Variants in TEAD1 observed in about 807,000 individuals in gnomAD.
TEAD1 encodes the protein TEA domain transcription factor 1.
TEAD1 carries 9 observed loss-of-function variants against 54.9 expected under a neutral mutation model. The ratio of observed to expected loss-of-function variants is 0.16; its 90% CI spans 0.10 to 0.29. TEAD1 has a LOEUF of 0.29. Among genes scored for constraint, TEAD1 ranks in the 10% least tolerant of loss-of-function variants. The probability of loss-of-function intolerance (pLI) is 1.00; values close to 1 mark genes in which losing one functional copy is unlikely to be tolerated. For synonymous variants in TEAD1, 200 were observed against 187.8 expected, an observed-to-expected ratio of 1.07 and a Z score of -0.53; for missense variants, 387 against 535.9, an observed-to-expected ratio of 0.72 and a Z score of 2.74.
chr11:12,872,619 A>T (rs886244440), intron 5 of TEAD1, among the ~76,000 whole-genome samples: 1 of 152,242 alleles, frequency 6.6e-6, no homozygotes, highest in South Asian at 2.1e-4. Context: ...GTAGATAAAG[A>T]TAATTCTGTG....
At chr11:12,904,643 A>C (rs1202743616) in intron 10 of TEAD1, among the ~76,000 whole-genome samples, 1 of 152,214 alleles carries the variant, frequency 6.6e-6, no homozygotes, top group Non-Finnish European at 1.5e-5. Context: ...TTTTTTAAAA[A>C]TACAGGCATG....
intron 2 of TEAD1, among the ~76,000 whole-genome samples, chr11:12,692,962 A>C (rs1295647197): frequency 6.6e-6 from 1 of 152,144 alleles, no homozygotes; most frequent in African/African-American, 2.4e-5. Flanking sequence ...CTTCTGTGCA[A>C]CTGGGCTGTG....
At chr11:12,758,252 T>A (rs1945024928) in intron 2 of TEAD1, among the ~76,000 whole-genome samples, 3 of 151,504 alleles carry the variant, frequency 2.0e-5, no homozygotes, top group Admixed American at 6.6e-5. Flanking sequence ...TTTTTAATTT[T>A]TTTTTTGTGA....
intron 2 of TEAD1, among the ~76,000 whole-genome samples, chr11:12,741,652 A>G (rs1437952794): frequency 1.3e-5 from 2 of 152,168 alleles, no homozygotes; most frequent in East Asian, 3.8e-4. Context: ...ATATTTTCCA[A>G]TATAAATCTG....
At chr11:12,733,201 T>A (rs545285748) in intron 2 of TEAD1, among the ~76,000 whole-genome samples, 1 of 152,274 alleles carries the variant, frequency 6.6e-6, no homozygotes, top group Admixed American at 6.5e-5. Context: ...TTAGGAGAAG[T>A]AAGGTCTGAG....
chr11:12,858,738 G>T (rs1205449456), intron 3 of TEAD1, among the ~76,000 whole-genome samples: 9 of 152,178 alleles, frequency 5.9e-5, no homozygotes, highest in Admixed American at 5.9e-4. Flanking sequence ...TGACTACAGC[G>T]TAATGCCCAG....
intron 5 of TEAD1, among the ~76,000 whole-genome samples, chr11:12,879,143 C>A (rs1947914923): frequency 2.0e-5 from 3 of 152,154 alleles, no homozygotes; most frequent in Admixed American, 2.0e-4. Flanking sequence ...GCCCTGTTAC[C>A]CCCAACCCCC....
intron 2 of TEAD1, among the ~76,000 whole-genome samples, chr11:12,703,750 G>A (rs1164934194): frequency 1.3e-5 from 2 of 152,178 alleles, no homozygotes; most frequent in Non-Finnish European, 2.9e-5. Context: ...TTCAGTTATT[G>A]CATCCCTTGG....
chr11:12,884,105 T>C (rs550471833), intron 9 of TEAD1, among the ~76,000 whole-genome samples: 1 of 152,238 alleles, frequency 6.6e-6, no homozygotes, highest in Non-Finnish European at 1.5e-5. Context: ...GGACTCTATT[T>C]GTCACTTTCT....
intron 9 of TEAD1, among the ~76,000 whole-genome samples, chr11:12,888,755 TC>T (rs1948139749): frequency 6.6e-6 from 1 of 152,230 alleles, no homozygotes. Flanking sequence ...TCTTATGTAA[TC>T]CTTATGAAGT....
At chr11:12,703,721 G>T (rs1163743268) in intron 2 of TEAD1, among the ~76,000 whole-genome samples, 5 of 152,208 alleles carry the variant, frequency 3.3e-5, no homozygotes, top group Non-Finnish European at 7.3e-5. Flanking sequence ...TGGAATGAGT[G>T]AATTTGGGGC....
rs576256266 is a variant in TEAD1, at chr11:12,710,035, T to C, written c.-55+34474T>C. 2.9e-5 allele frequency among the ~76,000 whole-genome samples: 4 copies of C among 139,834 alleles called. No homozygotes were observed. In the South Asian group the frequency reaches 9.1e-4, roughly 32 times the overall value. 91.7% of individuals were successfully genotyped at this position (139,834 alleles called of 152,430 possible). On this transcript the variant is annotated intron_variant, in intron 2 of 12. Transcript: ENST00000527636. The stretch of plus-strand genomic sequence containing the variant: ...TACCAAATTGTTAAAAAAAAAAAAA[T>C]GGAATTGTAGGCCAGGCACTATGGC...
At chr11:12,901,128 G>A (rs7950761) in intron 9 of TEAD1, among the ~76,000 whole-genome samples, 4,922 of 152,262 alleles carry the variant, frequency 0.032, 253 homozygotes, top group African/African-American at 0.11. Flanking sequence ...TGATCCTTGG[G>A]TATTCTGATG....
intron 3 of TEAD1, among the ~76,000 whole-genome samples, chr11:12,788,905 G>GTTTGT (rs1352212896): frequency 1.3e-5 from 2 of 152,200 alleles, no homozygotes; most frequent in Admixed American, 6.5e-5. Context: ...GGGGGTTTGG[G>GTTTGT]TTTGTTTTGT....
At chr11:12,689,767 C>T (rs1943414878) in intron 2 of TEAD1, among the ~76,000 whole-genome samples, 1 of 152,098 alleles carries the variant, frequency 6.6e-6, no homozygotes, top group African/African-American at 2.4e-5. Flanking sequence ...CACCCAGCAG[C>T]AATCATCACC....
At chr11:12,918,153 GT>G (rs1437524606) in intron 10 of TEAD1, among the ~76,000 whole-genome samples, 1 of 152,048 alleles carries the variant, frequency 6.6e-6, no homozygotes, top group Non-Finnish European at 1.5e-5. Context: ...GAGGGGGGAC[GT>G]GTCAGTAGGG....
rs1946405157 is a variant in TEAD1 at position 12,815,886 on chromosome 11, A to G, written c.203-46364A>G. 2.0e-5 allele frequency among the ~76,000 whole-genome samples: 3 copies of G among 152,226 alleles called. No homozygotes were observed. In the South Asian group the frequency reaches 6.2e-4, roughly 32 times the overall value. ...ATTCTTTCCTGTTACTTCATGGCTC[A>G]GAGGAAAGAAGGAAGAGCCAGCAAG... On this transcript the variant is annotated intron_variant, in intron 3 of 12. Coordinates refer to ENST00000527636, the MANE Select transcript of TEAD1 (RefSeq NM_021961.6).
chr11:12,836,572 C>T (rs972661128), intron 3 of TEAD1, among the ~76,000 whole-genome samples: 5 of 152,088 alleles, frequency 3.3e-5, no homozygotes, highest in African/African-American at 9.7e-5. Context: ...GAGGAGAGAG[C>T]GGGTTTGGTA....
intron 2 of TEAD1, among the ~76,000 whole-genome samples, chr11:12,751,885 A>C (rs1318464455): frequency 2.0e-5 from 3 of 152,180 alleles, no homozygotes; most frequent in Admixed American, 6.5e-5. Context: ...GGGGCCTGCC[A>C]GTGTGGCTCA....
Sources: gnomAD v4.1 joint callset for allele counts (sites outside exome capture counted in the v4.1 genomes callset) on GRCh38, gnomAD v4.1.1 for gene constraint, MANE v1.5 for transcripts, NCBI Gene and HGNC (gene_info 2026-07-23, HGNC 2026-07-21) for gene names.